EPS15L1: variants seen among roughly 807,000 people sequenced by gnomAD.
EPS15L1 encodes epidermal growth factor receptor substrate 15-like 1.
In EPS15L1, 43 loss-of-function variants were observed where a neutral mutation model predicts 117.1. That is an observed-to-expected ratio of 0.37 (90% CI 0.29 to 0.47). The LOEUF (loss-of-function observed/expected upper bound fraction) is 0.47. Ranked by LOEUF, EPS15L1 falls within the 20% of genes least tolerant of loss-of-function variation. The probability of loss-of-function intolerance (pLI) is 0.99; values close to 1 mark genes in which losing one functional copy is unlikely to be tolerated. For missense variants in EPS15L1, 981 were observed against 1,164.0 expected (o/e 0.84, Z 2.29); for synonymous variants, 459 against 470.5 (o/e 0.98, Z 0.32).
At chr19:16,408,137 C>A (rs1016014648) in intron 13 of EPS15L1, among the ~76,000 whole-genome samples, 2 of 152,006 alleles carry the variant, frequency 1.3e-5, no homozygotes, top group African/African-American at 4.8e-5. Flanking sequence ...ACTGAAGGAA[C>A]CTGGACCTCA....
intron 13 of EPS15L1, chr19:16,413,490 T>C: frequency 1.4e-6 from 1 of 730,778 alleles, no homozygotes; most frequent in Admixed American, 2.3e-5. Flanking sequence ...CAAGTCTCCC[T>C]ATCAGGAGTT....
chr19:16,446,181 C>T (rs1241660709), intron 1 of EPS15L1, among the ~76,000 whole-genome samples: 4 of 152,298 alleles, frequency 2.6e-5, no homozygotes, highest in East Asian at 3.9e-4. Flanking sequence ...GTAACTGTAA[C>T]CCAGGACAAC....
chr19:16,461,829 C>G (rs1344154662), intron 1 of EPS15L1, among the ~76,000 whole-genome samples: 3 of 152,186 alleles, frequency 2.0e-5, no homozygotes, highest in African/African-American at 7.2e-5. Context: ...GGCTCTGGGC[C>G]CTGTGCCTGT....
At chr19:16,399,677 T>TG (rs1473452512) in intron 16 of EPS15L1, among the ~76,000 whole-genome samples, 1 of 150,462 alleles carries the variant, frequency 6.6e-6, no homozygotes, top group South Asian at 2.1e-4. Flanking sequence ...TTTTGCTTTT[T>TG]GGGGTTTTTT....
At chr19:16,460,213 G>T (rs11879699) in intron 1 of EPS15L1, among the ~76,000 whole-genome samples, 98 of 152,298 alleles carry the variant, frequency 6.4e-4, no homozygotes, top group African/African-American at 2.3e-3. Flanking sequence ...GAACCCAGGA[G>T]TCTGAGGCTG....
intron 19 of EPS15L1, among the ~76,000 whole-genome samples, chr19:16,390,796 G>A (rs1031951558): frequency 1.3e-5 from 2 of 152,104 alleles, no homozygotes; most frequent in African/African-American, 4.8e-5. Context: ...TCTCAAAACT[G>A]AATGGCAATG....
chr19:16,413,546 C>G (rs2144895598), intron 13 of EPS15L1: 1 of 725,940 alleles, frequency 1.4e-6, no homozygotes, highest in Non-Finnish European at 2.3e-6. Flanking sequence ...CCATGCAGAG[C>G]ACCCAGGCTC....
intron 15 of EPS15L1, among the ~76,000 whole-genome samples, chr19:16,402,712 C>T (rs769048116): frequency 3.7e-4 from 1 of 2,726 alleles, no homozygotes; most frequent in African/African-American, 1.7e-3. Context: ...TATTTTTGGG[C>T]AACAAACCAA....
At chr19:16,400,336 C>CAAAAAAAAAAAAAAAAAAAA (rs1162302779) in intron 16 of EPS15L1, among the ~76,000 whole-genome samples, 3 of 60,704 alleles carry the variant, frequency 4.9e-5, no homozygotes, top group Admixed American at 3.7e-4. Flanking sequence ...GACTCCGTCT[C>CAAAAAAAAAAAAAAAAAAAA]AAAAAAAAAA....
chr19:16,363,975 C>G (rs927074599), intron 22 of EPS15L1, among the ~76,000 whole-genome samples: 1 of 152,230 alleles, frequency 6.6e-6, no homozygotes, highest in African/African-American at 2.4e-5. Flanking sequence ...CGCCTCTGCC[C>G]GTCCCACAGG....
chr19:16,420,392 T>C (rs2092802103), intron 10 of EPS15L1, among the ~76,000 whole-genome samples: 1 of 152,188 alleles, frequency 6.6e-6, no homozygotes, highest in African/African-American at 2.4e-5. Context: ...TTCAGAGTCA[T>C]AAAGGGGACA....
At chr19:16,420,765 C>T (rs1310165001) in intron 10 of EPS15L1, among the ~76,000 whole-genome samples, 1 of 152,246 alleles carries the variant, frequency 6.6e-6, no homozygotes, top group East Asian at 1.9e-4. Flanking sequence ...GTGCCCCAGC[C>T]CTATGAAGTC....
chr19:16,452,991 G>A (rs562025203), intron 1 of EPS15L1, among the ~76,000 whole-genome samples: 5 of 151,986 alleles, frequency 3.3e-5, no homozygotes, highest in South Asian at 2.1e-4. Flanking sequence ...TAGTAGAGAC[G>A]GGGTTTCACC....
intron 1 of EPS15L1, among the ~76,000 whole-genome samples, chr19:16,466,997 C>T (rs1384064432): frequency 6.6e-6 from 1 of 151,868 alleles, no homozygotes; most frequent in Non-Finnish European, 1.5e-5. Flanking sequence ...AGCGAGTCCA[C>T]AGTACCATTC....
At chr19:16,391,541 G>T (rs917046809) in intron 19 of EPS15L1, among the ~76,000 whole-genome samples, 1 of 152,072 alleles carries the variant, frequency 6.6e-6, no homozygotes, top group African/African-American at 2.4e-5. Context: ...CCCGGGCCTG[G>T]GTTGCAGCCT....
chr19:16,395,223 A>C, intron 17 of EPS15L1, 121 bp downstream of exon 17: 1 of 930,380 alleles, frequency 1.1e-6, no homozygotes, highest in Non-Finnish European at 1.6e-6. Context: ...AAAAAAAGGC[A>C]TTCCTTTCCC....
intron 8 of EPS15L1, among the ~76,000 whole-genome samples, 165 bp downstream of exon 8, chr19:16,428,537 A>AAGAG (rs2092898399): frequency 4.8e-3 from 1 of 210 alleles, no homozygotes; most frequent in South Asian, 0.056. Flanking sequence ...GAAAGAAAGG[A>AAGAG]AGAAAGACAG....
At chr19:16,403,231 C>T (rs992421451) in intron 15 of EPS15L1, among the ~76,000 whole-genome samples, 22 of 148,016 alleles carry the variant, frequency 1.5e-4, no homozygotes, top group African/African-American at 5.5e-4. Flanking sequence ...GAAGCCAGCG[C>T]CCCCCCCTGG....
chr19:16,410,294 C>T (rs940282101), intron 13 of EPS15L1, among the ~76,000 whole-genome samples: 3 of 152,138 alleles, frequency 2.0e-5, no homozygotes, highest in African/African-American at 7.2e-5. Context: ...GAGGGACATG[C>T]CAATGAAATC....
Sources: gnomAD v4.1 joint callset for allele counts (sites outside exome capture counted in the v4.1 genomes callset) on GRCh38, gnomAD v4.1.1 for gene constraint, MANE v1.5 for transcripts, NCBI Gene and HGNC (gene_info 2026-07-23, HGNC 2026-07-21) for gene names.